GOSR1: variants seen among roughly 807,000 people sequenced by gnomAD.
The protein encoded by GOSR1 is golgi SNAP receptor complex member 1, also known as 28 kDa Golgi SNARE protein.
In GOSR1, 21 loss-of-function variants were observed where a neutral mutation model predicts 35.5. The ratio of observed to expected loss-of-function variants is 0.59; its 90% CI spans 0.42 to 0.85. GOSR1 has a LOEUF of 0.85. GOSR1 is among the 40% of genes least tolerant of loss of function. The probability of loss-of-function intolerance (pLI) is 0.00; values close to 1 mark genes in which losing one functional copy is unlikely to be tolerated. For missense variants in GOSR1, 285 were observed against 309.6 expected, an observed-to-expected ratio of 0.92 and a Z score of 0.60; for synonymous variants, 94 against 106.6, an observed-to-expected ratio of 0.88 and a Z score of 0.73.
intron 7 of GOSR1, among the ~76,000 whole-genome samples, chr17:30,512,548 C>T (rs950690962): frequency 6.6e-6 from 1 of 152,214 alleles, no homozygotes; most frequent in Non-Finnish European, 1.5e-5. Flanking sequence ...CATCATTAAT[C>T]ATCTTAATAC....
chr17:30,493,979 T>C (rs1019361679), intron 6 of GOSR1, among the ~76,000 whole-genome samples: 1 of 152,192 alleles, frequency 6.6e-6, no homozygotes, highest in African/African-American at 2.4e-5. Context: ...AAGAACACAC[T>C]CATTTGCAAA....
intron 5 of GOSR1, among the ~76,000 whole-genome samples, chr17:30,491,621 T>G (rs554783625): frequency 6.6e-6 from 1 of 152,030 alleles, no homozygotes; most frequent in African/African-American, 2.4e-5. Context: ...ATCGTGCCAC[T>G]GCACTCTAGC....
At chr17:30,490,582 G>A (rs774464421) in intron 5 of GOSR1, among the ~76,000 whole-genome samples, 1 of 151,958 alleles carries the variant, frequency 6.6e-6, no homozygotes, top group East Asian at 1.9e-4. Flanking sequence ...TTCTTTAATT[G>A]TAACATTATC....
Position 30,510,855 on chromosome 17 carries a change from T to C in GOSR1, c.510-25T>C. Reference sequence around the variant, plus strand: ...ACATGTGCATTTAGTAAATTCAGAATTTGAATTTTTCTTTTTATTTGCAGC... The same window carrying C: ...ACATGTGCATTTAGTAAATTCAGAACTTGAATTTTTCTTTTTATTTGCAGC... On this transcript the variant is annotated intron_variant, in intron 6 of 8. Transcript: ENST00000451249. 2 of 1,348,020 alleles carry C rather than the reference T, an allele frequency of 1.5e-6. 1 individual carries two copies. Among genetic ancestry groups the C allele is most frequent in the Non-Finnish European group, 2.1e-6 (2 of 945,880 alleles). 83.5% of individuals were successfully genotyped at this position (1,348,020 alleles called of 1,614,324 possible). A position where few individuals can be genotyped will look rare whatever the true frequency, so the allele number is the denominator to read the frequency against.
chr17:30,526,381 C>T lies in GOSR1; in HGVS notation c.*4003C>T, dbSNP rs530569778. 8 of 152,130 alleles carry T rather than the reference C, an allele frequency of 5.3e-5. No homozygotes were observed. The highest frequency in any genetic ancestry group is 1.9e-4 in the African/African-American group (8 of 41,498). The allele number at this position is 152,130 out of a possible 1,614,324, so 9.4% of individuals were successfully genotyped here. A position where few individuals can be genotyped will look rare whatever the true frequency, so the allele number is the denominator to read the frequency against. The stretch of plus-strand genomic sequence containing the variant: ...GACAATAGGGCTGGGTGCAGTGGCT[C>T]ACGCCTGTAATCTTAGCACTTTGGG... On this transcript the variant is annotated 3_prime_UTR_variant, in exon 9 of 9. Transcript: ENST00000451249.
At chr17:30,477,487 G>A (rs769514124) in intron 1 of GOSR1, 23 bp downstream of exon 1, 1 of 1,605,384 alleles carries the variant, frequency 6.2e-7, no homozygotes, top group Non-Finnish European at 8.5e-7. Flanking sequence ...AGGCCTCCGG[G>A]TGCGTCCTAC....
At position 30,523,743 on chromosome 17, in the gene GOSR1, A is replaced by G. The variant is rs563932382; in HGVS notation, c.*1365A>G. 4 of 203,068 alleles carry G rather than the reference A, an allele frequency of 2.0e-5. No homozygotes were observed. The highest frequency in any genetic ancestry group is 3.9e-5 in the Non-Finnish European group (4 of 102,914). The allele number at this position is 203,068 out of a possible 1,614,324, so 12.6% of individuals were successfully genotyped here. Reference sequence around the variant, plus strand: ...CCCAGCAGCTCATTGAGAACGGGCCATGATGACAATGGCGGTTTTGTGGAA... The same window carrying G: ...CCCAGCAGCTCATTGAGAACGGGCCGTGATGACAATGGCGGTTTTGTGGAA... On this transcript the variant is annotated 3_prime_UTR_variant, in exon 9 of 9. Coordinates refer to ENST00000451249, the MANE Select transcript of GOSR1 (RefSeq NM_001007025.2).
chr17:30,484,592 A>G (rs1179250125), intron 3 of GOSR1, 71 bp from the exon 4 acceptor site: 6 of 794,788 alleles, frequency 7.5e-6, no homozygotes, highest in African/African-American at 1.8e-5. Context: ...CATATAGGCA[A>G]ATAATTTGCT....
Position 30,522,359 on chromosome 17 carries a change from T to G in GOSR1, c.728T>G (p.Leu243Arg). ...ATTGGGATCTGTACCATCCTGTTGC[T>G]GCTGTATGCGTTCCATTGATGGGAC... ...GVIGICTILL[L>R]LYAFH The change falls in exon 9 of 9, where the codon CTG becomes CGG. Residue 243 changes from leucine (L) to arginine (R), a missense_variant. Coordinates refer to ENST00000451249, the MANE Select transcript of GOSR1 (RefSeq NM_001007025.2). 6.3e-7 allele frequency: 1 copy of G among 1,591,838 alleles called. No individual in the cohort carries two copies. The highest frequency in any genetic ancestry group is 8.6e-7 in the Non-Finnish European group (1 of 1,169,172).
At chr17:30,500,793 G>C (rs1451199033) in intron 6 of GOSR1, among the ~76,000 whole-genome samples, 1 of 151,976 alleles carries the variant, frequency 6.6e-6, no homozygotes, top group African/African-American at 2.4e-5. Context: ...ATTGAATCTA[G>C]AGATCCATTT....
intron 7 of GOSR1, among the ~76,000 whole-genome samples, chr17:30,511,224 A>G (rs1967601797): frequency 6.6e-6 from 1 of 152,224 alleles, no homozygotes; most frequent in South Asian, 2.1e-4. Flanking sequence ...GATTTAAAGC[A>G]TAATTTGATA....
intron 6 of GOSR1, chr17:30,495,677 C>T (rs1427250215): frequency 7.3e-6 from 2 of 274,252 alleles, no homozygotes; most frequent in Non-Finnish European, 1.5e-5. Flanking sequence ...CTGTATTTTT[C>T]TTCTTATAAC....
chr17:30,519,914 T>C (rs778770611), intron 7 of GOSR1, 25 bp from the exon 8 acceptor site: 2 of 1,422,170 alleles, frequency 1.4e-6, no homozygotes, highest in Middle Eastern at 1.7e-4. Context: ...AAATGGTGAT[T>C]TGTCATCTTT....
At chr17:30,516,487 A>AAAG (rs1280343655) in intron 7 of GOSR1, among the ~76,000 whole-genome samples, 2 of 151,512 alleles carry the variant, frequency 1.3e-5, no homozygotes, top group East Asian at 3.9e-4. Flanking sequence ...AAAAAAGAAA[A>AAAG]AGAAAAAGTC....
At chr17:30,519,866 A>G in intron 7 of GOSR1, 73 bp from the exon 8 acceptor site, 1 of 888,448 alleles carries the variant, frequency 1.1e-6, no homozygotes, top group Non-Finnish European at 1.8e-6. Flanking sequence ...GTTTTCTTTC[A>G]CTTTTAAAGG....
At chr17:30,516,575 C>T (rs1015944934) in intron 7 of GOSR1, among the ~76,000 whole-genome samples, 3 of 152,104 alleles carry the variant, frequency 2.0e-5, no homozygotes, top group Non-Finnish European at 4.4e-5. Context: ...CCTTCTGATA[C>T]CTTTTTCACT....
intron 7 of GOSR1, among the ~76,000 whole-genome samples, chr17:30,519,033 G>C (rs1250675498): frequency 6.6e-6 from 1 of 151,814 alleles, no homozygotes; most frequent in African/African-American, 2.4e-5. Flanking sequence ...GATTGTGTTC[G>C]ACCAAAAGTG....
intron 6 of GOSR1, among the ~76,000 whole-genome samples, chr17:30,506,561 C>T (rs1967408852): frequency 6.6e-6 from 1 of 152,160 alleles, no homozygotes. Flanking sequence ...AGGAAAGAAG[C>T]CATCTCTATA....
chr17:30,478,975 A>C (rs779929352), intron 1 of GOSR1: 1 of 152,180 alleles, frequency 6.6e-6, no homozygotes, highest in East Asian at 1.9e-4. Flanking sequence ...CTGACAACCT[A>C]CTCTGTGCCA....
Sources: gnomAD v4.1 joint callset for allele counts (sites outside exome capture counted in the v4.1 genomes callset) on GRCh38, gnomAD v4.1.1 for gene constraint, MANE v1.5 for transcripts, NCBI Gene and HGNC (gene_info 2026-07-23, HGNC 2026-07-21) for gene names.